Variants in RNF19A observed in about 807,000 individuals in gnomAD.
RNF19A encodes ring finger protein 19A, RBR E3 ubiquitin protein ligase.
In RNF19A, 32 loss-of-function variants were observed where a neutral mutation model predicts 75.7. That is an observed-to-expected ratio of 0.42 (90% confidence interval 0.32 to 0.57). The LOEUF (loss-of-function observed/expected upper bound fraction) is 0.57. Among genes scored for constraint, RNF19A ranks in the 20% least tolerant of loss-of-function variants. The probability of loss-of-function intolerance (pLI) is 0.10; values close to 1 mark genes in which losing one functional copy is unlikely to be tolerated. For missense variants in RNF19A, 782 were observed against 1,036.3 expected, an observed-to-expected ratio of 0.75 and a Z score of 3.37; for synonymous variants, 335 against 345.2, an observed-to-expected ratio of 0.97 and a Z score of 0.33.
intron 1 of RNF19A, among the ~76,000 whole-genome samples, chr8:100,328,085 G>C (rs1822558632): frequency 6.6e-6 from 1 of 152,154 alleles, no homozygotes; most frequent in Admixed American, 6.5e-5. Flanking sequence ...TGGGAGGCGA[G>C]ATGAAAGGGC....
At chr8:100,334,555 T>TA (rs944862045) in intron 1 of RNF19A, among the ~76,000 whole-genome samples, 2 of 152,168 alleles carry the variant, frequency 1.3e-5, no homozygotes, top group African/African-American at 4.8e-5. Flanking sequence ...TGGGGAGCTT[T>TA]AAAAAATATG....
At chr8:100,285,592 A>G (rs558772182) in intron 2 of RNF19A, among the ~76,000 whole-genome samples, 2 of 152,222 alleles carry the variant, frequency 1.3e-5, no homozygotes, top group South Asian at 4.1e-4. Context: ...TCCTGGCCAA[A>G]GGCTGTGACA....
intron 5 of RNF19A, among the ~76,000 whole-genome samples, chr8:100,267,563 TCTCA>T (rs753320207): frequency 1.3e-4 from 20 of 152,148 alleles, no homozygotes; most frequent in Non-Finnish European, 1.8e-4. Flanking sequence ...AGAGATGGGG[TCTCA>T]CTATGTTGTC....
At chr8:100,289,941 T>G (rs985701425) in intron 1 of RNF19A, among the ~76,000 whole-genome samples, 2 of 152,156 alleles carry the variant, frequency 1.3e-5, no homozygotes, top group African/African-American at 4.8e-5. Context: ...ATATTCACAC[T>G]CTAAAGCAAT....
intron 2 of RNF19A, among the ~76,000 whole-genome samples, chr8:100,281,624 T>C (rs917404121): frequency 1.2e-4 from 19 of 152,190 alleles, no homozygotes; most frequent in Non-Finnish European, 2.2e-4. Context: ...TCAATAAATA[T>C]TTTGATTACA....
chr8:100,275,171 A>G lies in RNF19A; in HGVS notation c.675-10T>C. The G allele has an allele frequency of 6.2e-7, 1 of 1,611,062 alleles. No homozygotes were observed. Among genetic ancestry groups the G allele is most frequent in the Non-Finnish European group, 8.5e-7 (1 of 1,177,474 alleles). ...TGCTATCACAGCATATCTTGAAAGA[A>G]CAAGAAAAATGATTTAAAATGTGAC... is the stretch of plus-strand genomic sequence containing the variant. On this transcript the variant is annotated splice_polypyrimidine_tract_variant and intron_variant, in intron 2 of 9. Coordinates refer to ENST00000341084, the MANE Select transcript of RNF19A (RefSeq NM_183419.4). The surrounding 1 kb of genome is among the most constrained non-coding windows in gnomAD (Gnocchi z 4.3).
rs888833652 is a variant in RNF19A at position 100,257,683 on chromosome 8, G to A, written c.*873C>T. On this transcript the variant is annotated 3_prime_UTR_variant, in exon 10 of 10. Coordinates refer to ENST00000341084, the MANE Select transcript of RNF19A (RefSeq NM_183419.4). ...TTTTATATATAATCCAAGGTGACCA[G>A]AGAAGACATGGAAAACAACACAGCA... 4.1e-6 allele frequency: 1 copy of A among 246,620 alleles called. No individual in the cohort carries two copies. The highest frequency in any genetic ancestry group is 2.2e-5 in the African/African-American group (1 of 44,950). The allele number at this position is 246,620 out of a possible 1,614,324, so 15.3% of individuals were successfully genotyped here.
chr8:100,306,182 T>C (rs1189730651), intron 1 of RNF19A, among the ~76,000 whole-genome samples: 5 of 152,340 alleles, frequency 3.3e-5, no homozygotes, highest in Admixed American at 6.5e-5. Context: ...CATAATTTCA[T>C]GGGGCCAACT....
intron 1 of RNF19A, among the ~76,000 whole-genome samples, chr8:100,305,296 A>G (rs1234375832): frequency 6.6e-6 from 1 of 152,214 alleles, no homozygotes; most frequent in Non-Finnish European, 1.5e-5. Context: ...CCTGACTTTC[A>G]ATCCAACTCA....
Position 100,264,541 on chromosome 8 carries a change from T to G in RNF19A, c.1306+130A>C, listed in dbSNP as rs1363170125. On this transcript the variant is annotated intron_variant, in intron 6 of 9. Coordinates refer to ENST00000341084, the MANE Select transcript of RNF19A (RefSeq NM_183419.4). This position sits in a 1 kb window ranked among gnomAD's most constrained non-coding sequence, Gnocchi z 4.7. ...GGCTAGGCTCTTGAATCTGTAATAC[T>G]TTCAACCAAGACTTACTGCAGGCTC... 3.0e-6 allele frequency: 2 copies of G among 667,154 alleles called. No individual in the cohort carries two copies. The highest frequency in any genetic ancestry group is 5.4e-5 in the East Asian group (2 of 37,152). The allele number at this position is 667,154 out of a possible 1,614,324, so 41.3% of individuals were successfully genotyped here. A position where few individuals can be genotyped will look rare whatever the true frequency, so the allele number is the denominator to read the frequency against.
At position 100,260,069 on chromosome 8, in the gene RNF19A, ATTCAG is replaced by A. The variant is rs1397561640; in HGVS notation, c.1683-77_1683-73del. On this transcript the variant is annotated intron_variant, in intron 8 of 9. Coordinates refer to ENST00000341084, the MANE Select transcript of RNF19A (RefSeq NM_183419.4). This position sits in a 1 kb window ranked among gnomAD's most constrained non-coding sequence, Gnocchi z 4.1. ...CTACTGTAATATGTATCTTTAAATAATTCAGTTAAGAACCCTAGTAACCAGAAGCT... is the reference window on the plus strand; with the variant it reads ...CTACTGTAATATGTATCTTTAAATAATTAAGAACCCTAGTAACCAGAAGCT... 1 of 1,358,216 alleles carries A rather than the reference ATTCAG, an allele frequency of 7.4e-7. No homozygotes were observed. Among genetic ancestry groups the A allele is most frequent in the Non-Finnish European group, 1.0e-6 (1 of 965,136 alleles). The allele number at this position is 1,358,216 out of a possible 1,614,324, so 84.1% of individuals were successfully genotyped here.
At chr8:100,262,852 G>A (rs1819787804) in intron 7 of RNF19A, among the ~76,000 whole-genome samples, 1 of 152,102 alleles carries the variant, frequency 6.6e-6, no homozygotes, top group East Asian at 1.9e-4. Context: ...ATTGAAGGAA[G>A]CAGCAGAATT....
At chr8:100,298,357 A>G (rs1821670875) in intron 1 of RNF19A, among the ~76,000 whole-genome samples, 3 of 152,208 alleles carry the variant, frequency 2.0e-5, no homozygotes, top group African/African-American at 7.2e-5. Context: ...ATGTACAGCT[A>G]GTACAAACCT....
At chr8:100,328,858 C>G (rs536484846) in intron 1 of RNF19A, among the ~76,000 whole-genome samples, 1 of 152,264 alleles carries the variant, frequency 6.6e-6, no homozygotes, top group Admixed American at 6.5e-5. Context: ...TAGACTTGTG[C>G]AAAGGGTCTT....
rs188655461 is a variant in RNF19A at position 100,259,804 on chromosome 8, T to A, written c.1826+50A>T. ...GTAATTTGTCTAATGATAGGAATTATTCCTTTAATTTAAAAAATACTTTCA... is the reference window on the plus strand; with the variant it reads ...GTAATTTGTCTAATGATAGGAATTAATCCTTTAATTTAAAAAATACTTTCA... On this transcript the variant is annotated intron_variant, in intron 9 of 9. Coordinates refer to ENST00000341084, the MANE Select transcript of RNF19A (RefSeq NM_183419.4). This position sits in a 1 kb window ranked among gnomAD's most constrained non-coding sequence, Gnocchi z 4.5. The A allele has an allele frequency of 3.0e-4, 452 of 1,502,108 alleles. 2 individuals are homozygous for A. In the African/African-American group the frequency reaches 5.8e-3, roughly 19 times the overall value. 93.0% of individuals were successfully genotyped at this position (1,502,108 alleles called of 1,614,324 possible).
Position 100,287,593 on chromosome 8 carries a change from A to G in RNF19A, c.582T>C (p.Asp194=). Residue 194 remains aspartate, a synonymous_variant, in exon 2 of 10, where the codon GAT becomes GAC. Coordinates refer to ENST00000341084, the MANE Select transcript of RNF19A (RefSeq NM_183419.4). The surrounding 1 kb of genome is among the most constrained non-coding windows in gnomAD (Gnocchi z 4.1). ...CTTCGTATTTTTCCATCAAGACATC[A>G]TCACTTAATATCAAGCGAATATCAT... is the stretch of plus-strand genomic sequence containing the variant. ...NPHDIRLILS[D]DVLMEKYEEF... The G allele has an allele frequency of 6.2e-7, 1 of 1,614,130 alleles. No individual in the cohort carries two copies. Among genetic ancestry groups the G allele is most frequent in the Non-Finnish European group, 8.5e-7 (1 of 1,179,982 alleles).
upstream of RNF19A, among the ~76,000 whole-genome samples, chr8:100,311,245 A>C (rs959256316): frequency 6.6e-6 from 1 of 152,206 alleles, no homozygotes; most frequent in Non-Finnish European, 1.5e-5. Context: ...TTTGGCCTCG[A>C]ATCTTAAAGG....
In RNF19A at chr8:100,330,412, T is replaced by C. The variant is rs537025531; in HGVS notation, c.-243+5696A>G. 6.6e-6 allele frequency among the ~76,000 whole-genome samples: 1 copy of C among 152,374 alleles called. No individual in the cohort carries two copies. The highest frequency in any genetic ancestry group is 2.1e-4 in the South Asian group (1 of 4,832). ...TTAAAGTCATGACCTGTAAGGGTTA[T>C]GATCTTTGCCTGGCATAGTGACTAT... On this transcript the variant is annotated intron_variant, in intron 1 of 3. Transcript: ENST00000519527. The surrounding 1 kb of genome is among the most constrained non-coding windows in gnomAD (Gnocchi z 4.1).
chr8:100,320,550 A>T (rs1822451559), intron 1 of RNF19A, among the ~76,000 whole-genome samples: 1 of 152,200 alleles, frequency 6.6e-6, no homozygotes, highest in Non-Finnish European at 1.5e-5. Context: ...GGGTGGAAAA[A>T]TAACAGGTGC....
Sources: gnomAD v4.1 joint callset for allele counts (sites outside exome capture counted in the v4.1 genomes callset) on GRCh38, gnomAD v4.1.1 for gene constraint, Gnocchi (gnomAD v3.1) non-coding constraint, MANE v1.5 for transcripts, NCBI Gene and HGNC (gene_info 2026-07-23, HGNC 2026-07-21) for gene names.